Variants in CARNMT1 observed in about 807,000 individuals in gnomAD.
CARNMT1 encodes protein-L-histidine N-pros-methyltransferase CARNMT1.
CARNMT1 carries 28 observed loss-of-function variants against 49.6 expected under a neutral mutation model. That is an observed-to-expected ratio of 0.56 (90% CI 0.42 to 0.77). The LOEUF is 0.77. Among genes scored for constraint, CARNMT1 ranks in the 30% least tolerant of loss-of-function variants. CARNMT1 has a pLI of 0.00. For missense variants in CARNMT1, 421 were observed against 512.6 expected, an observed-to-expected ratio of 0.82 and a Z score of 1.73; for synonymous variants, 178 against 175.0, an observed-to-expected ratio of 1.02 and a Z score of -0.13.
intron 6 of CARNMT1, among the ~76,000 whole-genome samples, chr9:74,990,174 G>A (rs1166841921): frequency 6.6e-6 from 1 of 152,100 alleles, no homozygotes; most frequent in African/African-American, 2.4e-5. Flanking sequence ...CAACTGATAA[G>A]GTCAATTCAT....
intron 3 of CARNMT1, among the ~76,000 whole-genome samples, chr9:75,006,742 A>G (rs925590095): frequency 2.0e-5 from 3 of 152,166 alleles, no homozygotes; most frequent in African/African-American, 7.2e-5. Flanking sequence ...GTTATTCAGA[A>G]CGGTTTTAAA....
chr9:75,011,896 AAT>A (rs1833699887), intron 3 of CARNMT1, among the ~76,000 whole-genome samples: 1 of 152,180 alleles, frequency 6.6e-6, no homozygotes, highest in Admixed American at 6.5e-5. Context: ...AACAAAATGA[AAT>A]ATGAGTGACA....
At chr9:75,028,380 C>G (rs1446224498), upstream of CARNMT1, 13 of 1,299,216 alleles carry the variant, frequency 1.0e-5, no homozygotes, top group South Asian at 7.2e-5. Flanking sequence ...CCGCCACCCT[C>G]AGGCCTCCAT....
chr9:74,997,516 C>T (rs1455651863), intron 5 of CARNMT1, among the ~76,000 whole-genome samples: 2 of 152,100 alleles, frequency 1.3e-5, no homozygotes, highest in Non-Finnish European at 2.9e-5. Flanking sequence ...GACCTCTCAC[C>T]ACTGTACCCA....
rs1426599320 is a variant in CARNMT1 at position 74,981,162 on chromosome 9, C to T, written c.*2605G>A. The T allele has an allele frequency of 2.0e-5, 3 of 152,208 alleles. No homozygotes were observed. 9.4% of individuals were successfully genotyped at this position (152,208 alleles called of 1,614,324 possible). A position where few individuals can be genotyped will look rare whatever the true frequency, so the allele number is the denominator to read the frequency against. On this transcript the variant is annotated 3_prime_UTR_variant, in exon 8 of 8. Coordinates refer to ENST00000376834, the MANE Select transcript of CARNMT1 (RefSeq NM_152420.3). Reference sequence around the variant, plus strand: ...TTAGAATGAGAGTTACATATAAATACAGTACATTTTACAGTTACCAAACTT... The same window carrying T: ...TTAGAATGAGAGTTACATATAAATATAGTACATTTTACAGTTACCAAACTT...
rs1174673898 is a variant in CARNMT1, at chr9:74,999,772, C to G, written c.689G>C (p.Trp230Ser). 1 of 1,612,210 alleles carries G rather than the reference C, an allele frequency of 6.2e-7. No homozygotes were observed. The highest frequency in any genetic ancestry group is 8.5e-7 in the Non-Finnish European group (1 of 1,179,028). ...MLGYACQGNE[W>S]SFFMLFSSNF... ...GGAAGAAAAGAGCATAAAAAAACTCCATTCATTTCCTTGACAAGCATAACC... is the reference window on the plus strand; with the variant it reads ...GGAAGAAAAGAGCATAAAAAAACTCGATTCATTTCCTTGACAAGCATAACC... The change falls in exon 4 of 8, where the codon TGG (tryptophan) becomes TCG (serine). Residue 230 changes from tryptophan to serine, a missense_variant. Trp to Ser is a radical substitution (Grantham distance 177, BLOSUM62 -3). Around this residue, in one of 2 missense-constraint regions of CARNMT1, gnomAD observed 235 missense variants for 344.8 expected, o/e 0.68. Transcript: ENST00000376834.
chr9:74,985,800 G>A (rs1832819025), intron 6 of CARNMT1, among the ~76,000 whole-genome samples: 1 of 152,086 alleles, frequency 6.6e-6, no homozygotes, highest in Non-Finnish European at 1.5e-5. Flanking sequence ...GGCTGGTCTT[G>A]AACTCCTGAC....
chr9:75,022,907 G>A (rs1822415828), intron 1 of CARNMT1, among the ~76,000 whole-genome samples: 1 of 152,080 alleles, frequency 6.6e-6, no homozygotes. Context: ...GGCTGAGGTG[G>A]GCAGATCACT....
chr9:75,027,585 T>C (rs769957624), intron 1 of CARNMT1: 2 of 471,412 alleles, frequency 4.2e-6, no homozygotes, highest in Non-Finnish European at 5.6e-6. Flanking sequence ...ATCCCACGCG[T>C]AGGTGAACTT....
intron 1 of CARNMT1, among the ~76,000 whole-genome samples, chr9:75,023,506 A>G (rs999491770): frequency 1.6e-4 from 25 of 152,238 alleles, no homozygotes; most frequent in African/African-American, 5.3e-4. Flanking sequence ...GTAACTACAC[A>G]GAGCAGGATG....
chr9:75,006,706 AGTTTTAAATCCTGCAAAAT>A (rs1224745981), intron 3 of CARNMT1, among the ~76,000 whole-genome samples: 1 of 152,186 alleles, frequency 6.6e-6, no homozygotes, highest in Non-Finnish European at 1.5e-5. Flanking sequence ...AAACCTTTTA[AGTTTTAAATCCTGCAAAAT>A]GTTTTAGTTA....
chr9:75,005,762 C>T (rs994987573), intron 3 of CARNMT1, among the ~76,000 whole-genome samples: 4 of 150,580 alleles, frequency 2.7e-5, no homozygotes, highest in Non-Finnish European at 4.4e-5. Context: ...CGTGAGCCAC[C>T]GAGCCCGGCA....
At chr9:75,015,338 C>T (rs1833813507) in intron 3 of CARNMT1, among the ~76,000 whole-genome samples, 1 of 152,064 alleles carries the variant, frequency 6.6e-6, no homozygotes, top group South Asian at 2.1e-4. Flanking sequence ...TTTCATAATA[C>T]ATTTCATAAT....
intron 7 of CARNMT1, among the ~76,000 whole-genome samples, chr9:74,984,456 A>G (rs1539732): frequency 0.44 from 66,945 of 151,920 alleles, 15,067 homozygotes; most frequent in South Asian, 0.5. Context: ...AATTCTGAAA[A>G]CTAAGGAACA....
chr9:74,996,403 C>G lies in CARNMT1; in HGVS notation c.1024+44G>C, dbSNP rs751151889. On this transcript the variant is annotated intron_variant, in intron 6 of 7. Coordinates refer to ENST00000376834, the MANE Select transcript of CARNMT1 (RefSeq NM_152420.3). ...GTTAAATGTAATACAGCTGTAAGTA[C>G]TCAGATTAATATACAAAATTTTAGT... 7.4e-6 allele frequency: 7 copies of G among 948,946 alleles called. No individual in the cohort carries two copies. The East Asian group carries it at 1.4e-4, about 20-fold the overall frequency. 58.8% of individuals were successfully genotyped at this position (948,946 alleles called of 1,614,324 possible).
intron 6 of CARNMT1, among the ~76,000 whole-genome samples, chr9:74,990,099 C>T (rs1832967850): frequency 1.3e-5 from 2 of 152,086 alleles, no homozygotes; most frequent in Non-Finnish European, 2.9e-5. Flanking sequence ...GCTATTGTTA[C>T]ATATTTTAAT....
intron 6 of CARNMT1, chr9:74,996,012 T>C (rs1833178227): frequency 6.6e-6 from 1 of 152,452 alleles, no homozygotes; most frequent in Non-Finnish European, 1.5e-5. Flanking sequence ...TCACAGAAGT[T>C]ATCACACCTA....
rs370827994 is a variant in CARNMT1 at position 74,998,606 on chromosome 9, G to A, written c.902C>T (p.Ser301Leu). The change falls in exon 5 of 8, where the codon TCA (serine) becomes TTA (leucine). Residue 301 changes from serine (S) to leucine (L), a missense_variant. Physicochemically the swap from Ser to Leu is moderately radical, Grantham distance 145. Around this residue, in one of 2 missense-constraint regions of CARNMT1, gnomAD observed 235 missense variants for 344.8 expected, o/e 0.68. Transcript: ENST00000376834. Reference protein sequence around the residue: ...MTAGDFQEIYSECNTWDCIAT... With the variant: ...MTAGDFQEIYLECNTWDCIAT... ...GCTTGATTTGGACTTACTGCATTCT[G>A]AATAAATCTCTTGAAAATCTCCTGC... The A allele has an allele frequency of 3.2e-5, 51 of 1,579,688 alleles. No homozygotes were observed. The highest frequency in any genetic ancestry group is 4.1e-5 in the African/African-American group (3 of 73,144).
intron 6 of CARNMT1, among the ~76,000 whole-genome samples, chr9:74,987,258 T>G (rs1832872881): frequency 6.6e-6 from 1 of 152,228 alleles, no homozygotes; most frequent in African/African-American, 2.4e-5. Context: ...ACTCACCATA[T>G]GTGACCCAGC....
Sources: gnomAD v4.1 joint callset for allele counts (sites outside exome capture counted in the v4.1 genomes callset) on GRCh38, gnomAD v4.1.1 for gene constraint, gnomAD v4.1.1 regional missense constraint, MANE v1.5 for transcripts, NCBI Gene and HGNC (gene_info 2026-07-23, HGNC 2026-07-21) for gene names.